Variants in CRACR2A observed in about 807,000 individuals in gnomAD.
The protein encoded by CRACR2A is calcium release activated channel regulator 2A, also known as EF-hand calcium-binding domain-containing protein 4B.
CRACR2A carries 79 observed loss-of-function variants against 90.5 expected under a neutral mutation model. That is an observed-to-expected ratio of 0.87 (90% confidence interval 0.73 to 1.05). The LOEUF (loss-of-function observed/expected upper bound fraction) is 1.05. Ranked by LOEUF, CRACR2A falls within the 50% of genes least tolerant of loss-of-function variation. CRACR2A has a pLI of 0.00. For missense variants in CRACR2A, 823 were observed against 897.2 expected (o/e 0.92, Z 1.06); for synonymous variants, 338 against 356.7 (o/e 0.95, Z 0.59).
rs1404972527 is a variant in CRACR2A at position 3,673,567 on chromosome 12, A to G, written c.550T>C (p.Leu184=). Residue 184 remains leucine (L), a synonymous_variant, in exon 7 of 20, where the codon TTG becomes CTG. Coordinates refer to ENST00000440314, the MANE Select transcript of CRACR2A (RefSeq NM_001144958.2). The part of the protein sequence containing the change: ...EDESDVKQLW[L]QLKKEEPHLL... ...TGAGGTTCCTCCTTCTTCAGCTGCA[A>G]CCAGAGCTGCTTGACATCACTTTCA... 1.9e-6 allele frequency: 3 copies of G among 1,613,812 alleles called. No individual in the cohort carries two copies. The South Asian group carries it at 3.3e-5, about 18-fold the overall frequency.
intron 3 of CRACR2A, among the ~76,000 whole-genome samples, chr12:3,708,089 T>C: frequency 6.6e-6 from 1 of 152,204 alleles, no homozygotes. Context: ...ATCCGTGTGC[T>C]TTCGCTTCTA....
intron 7 of CRACR2A, among the ~76,000 whole-genome samples, chr12:3,666,043 G>A (rs1945128444): frequency 6.6e-6 from 1 of 152,126 alleles, no homozygotes; most frequent in Non-Finnish European, 1.5e-5. Context: ...TGACCTCAGA[G>A]CCCTGCTAGG....
At chr12:3,739,444 C>T (rs1946491935) in intron 1 of CRACR2A, among the ~76,000 whole-genome samples, 1 of 152,186 alleles carries the variant, frequency 6.6e-6, no homozygotes, top group Admixed American at 6.5e-5. Flanking sequence ...AATTTCTTAT[C>T]CCTTTTAAAA....
At chr12:3,688,778 A>G in intron 4 of CRACR2A, among the ~76,000 whole-genome samples, 1 of 152,256 alleles carries the variant, frequency 6.6e-6, no homozygotes, top group East Asian at 1.9e-4. Context: ...CGCTTTAGGC[A>G]GTATGGCCAT....
chr12:3,726,709 G>A (rs1946271295), intron 2 of CRACR2A: 1 of 152,046 alleles, frequency 6.6e-6, no homozygotes, highest in Non-Finnish European at 1.5e-5. Context: ...TATAAGTGTA[G>A]CGTCATGATA....
chr12:3,619,462 T>C, intron 17 of CRACR2A, 90 bp from the exon 18 acceptor site: 1 of 992,178 alleles, frequency 1.0e-6, no homozygotes, highest in Non-Finnish European at 1.5e-6. Context: ...AGATGGGACC[T>C]CGCTTGAGAA....
At chr12:3,725,236 G>T (rs1023620769) in intron 2 of CRACR2A, among the ~76,000 whole-genome samples, 14 of 152,144 alleles carry the variant, frequency 9.2e-5, no homozygotes, top group African/African-American at 3.4e-4. Flanking sequence ...CAAAAACCAG[G>T]TGTCTTAAAA....
At chr12:3,693,830 A>G (rs1028559885) in intron 4 of CRACR2A, among the ~76,000 whole-genome samples, 9 of 152,150 alleles carry the variant, frequency 5.9e-5, no homozygotes, top group African/African-American at 2.2e-4. Flanking sequence ...GGTTCTTTGC[A>G]TCTGGCTGTG....
chr12:3,702,766 T>C (rs775960272), intron 3 of CRACR2A, among the ~76,000 whole-genome samples: 1 of 152,220 alleles, frequency 6.6e-6, no homozygotes, highest in Non-Finnish European at 1.5e-5. Context: ...CCAGGCTTAT[T>C]TGTAGAAACT....
chr12:3,686,638 G>C (rs1216831760), intron 4 of CRACR2A, among the ~76,000 whole-genome samples: 2 of 152,006 alleles, frequency 1.3e-5, no homozygotes, highest in African/African-American at 4.8e-5. Flanking sequence ...TTTCCTCTCT[G>C]TCCTTTCCTC....
At chr12:3,712,867 G>T (rs1009808860) in intron 3 of CRACR2A, among the ~76,000 whole-genome samples, 16 of 152,196 alleles carry the variant, frequency 1.1e-4, no homozygotes, top group Admixed American at 2.0e-4. Flanking sequence ...CTCTGTGAGT[G>T]ACCAGTGGCT....
intron 18 of CRACR2A, among the ~76,000 whole-genome samples, chr12:3,618,821 C>T (rs748424287): frequency 6.6e-6 from 1 of 152,158 alleles, no homozygotes; most frequent in Non-Finnish European, 1.5e-5. Flanking sequence ...CTGAGTTTAT[C>T]TTGAGTTCAT....
chr12:3,735,946 A>C (rs1946443468), intron 1 of CRACR2A, among the ~76,000 whole-genome samples: 2 of 152,208 alleles, frequency 1.3e-5, no homozygotes, highest in African/African-American at 4.8e-5. Context: ...GCATGCTCAG[A>C]GGACCATGAA....
intron 11 of CRACR2A, among the ~76,000 whole-genome samples, chr12:3,645,913 G>A (rs1376587048): frequency 1.3e-5 from 2 of 152,198 alleles, no homozygotes; most frequent in African/African-American, 4.8e-5. Context: ...ATGGAGGAGA[G>A]AAAGAACAAA....
intron 7 of CRACR2A, among the ~76,000 whole-genome samples, chr12:3,669,839 G>T (rs1945209720): frequency 6.6e-6 from 1 of 152,080 alleles, no homozygotes; most frequent in African/African-American, 2.4e-5. Context: ...AGCCTGGGAG[G>T]CTGGGGACAG....
chr12:3,615,962 A>C (rs367751886), intron 19 of CRACR2A, among the ~76,000 whole-genome samples: 46 of 152,280 alleles, frequency 3.0e-4, no homozygotes, highest in African/African-American at 1.1e-3. Flanking sequence ...GTAGGAGGTG[A>C]GGAATTAAAA....
chr12:3,673,622 T>C (rs762716331), intron 6 of CRACR2A, 30 bp from the exon 7 acceptor site: 1 of 1,606,698 alleles, frequency 6.2e-7, no homozygotes, highest in Non-Finnish European at 8.5e-7. Flanking sequence ...CATGTGGAAG[T>C]GTGGAGATGA....
At chr12:3,691,611 G>C (rs1368865903) in intron 4 of CRACR2A, among the ~76,000 whole-genome samples, 1 of 152,126 alleles carries the variant, frequency 6.6e-6, no homozygotes, top group Admixed American at 6.5e-5. Context: ...TGATTATTAT[G>C]TGTTTTGAGG....
intron 6 of CRACR2A, among the ~76,000 whole-genome samples, chr12:3,677,134 G>C (rs997076035): frequency 6.6e-6 from 1 of 151,922 alleles, no homozygotes; most frequent in Admixed American, 6.6e-5. Context: ...GGAGGATATG[G>C]GAGTATAGGC....
Sources: allele counts gnomAD v4.1 joint callset (sites outside exome capture counted in the v4.1 genomes callset), GRCh38; gene constraint gnomAD v4.1.1; transcripts MANE v1.5; gene names NCBI Gene and HGNC (gene_info 2026-07-23, HGNC 2026-07-21).